Variants in STAG1 observed in about 807,000 individuals in gnomAD.
STAG1 encodes STAG1 cohesin complex component.
In STAG1, 26 loss-of-function variants were observed where a neutral mutation model predicts 170.9. The ratio of observed to expected loss-of-function variants is 0.15; its 90% CI spans 0.11 to 0.21. The LOEUF is 0.21. Ranked by LOEUF, STAG1 falls within the 10% of genes least tolerant of loss-of-function variation. The pLI is 1.00. For missense variants in STAG1, 964 were observed against 1,509.5 expected, an observed-to-expected ratio of 0.64 and a Z score of 5.99; for synonymous variants, 514 against 497.7, an observed-to-expected ratio of 1.03 and a Z score of -0.44.
At chr3:136,638,834 G>A (rs1319851705) in intron 1 of STAG1, among the ~76,000 whole-genome samples, 4 of 152,034 alleles carry the variant, frequency 2.6e-5, no homozygotes, top group Admixed American at 6.6e-5. Context: ...CCCAGGAGGC[G>A]GAGGCTGCAG....
chr3:136,357,813 T>G lies in STAG1; in HGVS notation c.2972A>C (p.Gln991Pro), dbSNP rs751265612. 2.5e-6 allele frequency: 4 copies of G among 1,600,742 alleles called. No homozygotes were observed. The South Asian group carries it at 4.6e-5, about 18-fold the overall frequency. The change falls in exon 28 of 34, where the codon CAG becomes CCG. Residue 991 changes from glutamine (Q) to proline (P), a missense_variant. Gln to Pro is a moderately conservative substitution (Grantham distance 76). Around this residue, in one of 11 missense-constraint regions of STAG1, gnomAD observed 149 missense variants for 301.3 expected, o/e 0.49. Transcript: ENST00000383202. ...AGGAGGTGGATACTCTTGTCCTTTCTGATTTTGGTATTTAAATGCAAACTC... is the reference window on the plus strand; with the variant it reads ...AGGAGGTGGATACTCTTGTCCTTTCGGATTTTGGTATTTAAATGCAAACTC... ...GIEFAFKYQN[Q>P]KGQEYPPPNL...
At chr3:136,519,989 C>G (rs1934589042) in intron 7 of STAG1, among the ~76,000 whole-genome samples, 1 of 151,922 alleles carries the variant, frequency 6.6e-6, no homozygotes, top group Admixed American at 6.6e-5. Flanking sequence ...TTCATGTTTA[C>G]TTGGTTAGGA....
intron 22 of STAG1, among the ~76,000 whole-genome samples, chr3:136,383,772 G>A (rs551640697): frequency 2.6e-5 from 4 of 152,062 alleles, no homozygotes; most frequent in South Asian, 4.2e-4. Context: ...TGGCCAACAC[G>A]GTGAAACCCC....
intron 28 of STAG1, among the ~76,000 whole-genome samples, chr3:136,354,982 TA>T (rs1449642971): frequency 6.6e-6 from 1 of 151,944 alleles, no homozygotes; most frequent in Non-Finnish European, 1.5e-5. Flanking sequence ...GTGATTATAG[TA>T]GTATGACACA....
chr3:136,706,494 T>A (rs2107914152), intron 1 of STAG1, among the ~76,000 whole-genome samples: 1 of 152,150 alleles, frequency 6.6e-6, no homozygotes, highest in South Asian at 2.1e-4. Context: ...AATTAAAATA[T>A]CTAAAAACAA....
At chr3:136,386,113 G>A (rs1228881536) in intron 22 of STAG1, among the ~76,000 whole-genome samples, 7 of 152,102 alleles carry the variant, frequency 4.6e-5, no homozygotes, top group Admixed American at 6.6e-5. Flanking sequence ...CGAGGCAGGC[G>A]GATCACAAGG....
intron 1 of STAG1, chr3:136,736,742 G>A: frequency 6.2e-7 from 1 of 1,601,598 alleles, no homozygotes; most frequent in Admixed American, 1.7e-5. Context: ...TTCCAGCTCA[G>A]CAAAGAGTTT....
chr3:136,653,358 T>C (rs1367439447), intron 1 of STAG1, among the ~76,000 whole-genome samples: 2 of 152,158 alleles, frequency 1.3e-5, no homozygotes, highest in Non-Finnish European at 2.9e-5. Flanking sequence ...TTTGATTGTA[T>C]TAAAATACGT....
At chr3:136,452,727 T>A (rs1028642086) in intron 13 of STAG1, among the ~76,000 whole-genome samples, 7 of 152,178 alleles carry the variant, frequency 4.6e-5, no homozygotes, top group African/African-American at 1.7e-4. Context: ...CAAATATGTG[T>A]GAAAATGATA....
At chr3:136,457,070 G>C (rs185619603) in intron 13 of STAG1, among the ~76,000 whole-genome samples, 53 of 152,264 alleles carry the variant, frequency 3.5e-4, no homozygotes, top group African/African-American at 1.3e-3. Context: ...AGGCAGGATT[G>C]GCTTGTCTGT....
chr3:136,424,763 T>C (rs1036165504), intron 16 of STAG1, among the ~76,000 whole-genome samples: 1 of 152,172 alleles, frequency 6.6e-6, no homozygotes, highest in South Asian at 2.1e-4. Context: ...AAATTGTATA[T>C]ATATTTTTCC....
intron 6 of STAG1, among the ~76,000 whole-genome samples, chr3:136,534,815 A>C (rs1935544338): frequency 6.6e-6 from 1 of 152,238 alleles, no homozygotes; most frequent in Non-Finnish European, 1.5e-5. Flanking sequence ...AAATTAGTAC[A>C]ACCACCATGG....
intron 13 of STAG1, among the ~76,000 whole-genome samples, chr3:136,459,232 A>AAAAG (rs1559814367): frequency 3.9e-5 from 6 of 151,952 alleles, no homozygotes; most frequent in African/African-American, 4.8e-5. Context: ...AAAAAAAAAA[A>AAAAG]AAAAGAAAAG....
intron 23 of STAG1, among the ~76,000 whole-genome samples, chr3:136,370,120 T>A (rs906477580): frequency 1.3e-5 from 2 of 152,056 alleles, no homozygotes; most frequent in African/African-American, 4.8e-5. Context: ...ATACTTTTAA[T>A]CATGATTTTA....
intron 9 of STAG1, among the ~76,000 whole-genome samples, chr3:136,486,472 A>C (rs961181038): frequency 6.6e-6 from 1 of 152,258 alleles, no homozygotes; most frequent in African/African-American, 2.4e-5. Flanking sequence ...ATATATCTAT[A>C]AAACATCCAA....
intron 20 of STAG1, 137 bp downstream of exon 20, chr3:136,420,956 T>A (rs1461700664): frequency 2.0e-6 from 1 of 502,410 alleles, no homozygotes; most frequent in African/African-American, 2.0e-5. Context: ...ATTTTTGTAT[T>A]TTTTGTACAG....
intron 5 of STAG1, among the ~76,000 whole-genome samples, chr3:136,559,808 A>G (rs1936768114): frequency 6.6e-6 from 1 of 152,208 alleles, no homozygotes; most frequent in African/African-American, 2.4e-5. Context: ...TCAAAAAACC[A>G]ATATAAAACA....
At chr3:136,562,266 C>T (rs1559880300) in intron 5 of STAG1, among the ~76,000 whole-genome samples, 2 of 137,082 alleles carry the variant, frequency 1.5e-5, no homozygotes, top group African/African-American at 2.7e-5. Context: ...ATTTCTTTTT[C>T]TTTTTTTTTT....
chr3:136,515,927 A>T (rs1934352616), intron 7 of STAG1, among the ~76,000 whole-genome samples: 6 of 152,188 alleles, frequency 3.9e-5, no homozygotes, highest in Admixed American at 3.9e-4. Flanking sequence ...TATCTGGAGG[A>T]GGGATGAAAA....
Sources: allele counts gnomAD v4.1 joint callset (sites outside exome capture counted in the v4.1 genomes callset), GRCh38; gene constraint gnomAD v4.1.1; regional missense constraint gnomAD v4.1.1; transcripts MANE v1.5; gene names NCBI Gene and HGNC (gene_info 2026-07-23, HGNC 2026-07-21).